The following RBMS3 variants were observed in gnomAD, a reference collection of about 807,000 sequenced individuals.
RBMS3 encodes the protein RNA binding motif single stranded interacting protein 3.
Under a neutral mutation model 66.8 loss-of-function variants are expected in RBMS3, and 27 were observed. The ratio of observed to expected loss-of-function variants is 0.40; its 90% confidence interval spans 0.30 to 0.56. RBMS3 has a LOEUF of 0.56. Among genes scored for constraint, RBMS3 ranks in the 20% least tolerant of loss-of-function variants. The pLI is 0.40. For synonymous variants in RBMS3, 188 were observed against 183.0 expected, an observed-to-expected ratio of 1.03 and a Z score of -0.22; for missense variants, 513 against 549.5, an observed-to-expected ratio of 0.93 and a Z score of 0.66.
chr3:29,667,323 T>C (rs1576474482), intron 4 of RBMS3, among the ~76,000 whole-genome samples: 2 of 152,156 alleles, frequency 1.3e-5, no homozygotes, highest in East Asian at 3.9e-4. Context: ...CATTCTCTAA[T>C]CTAATCTATC....
intron 1 of RBMS3, among the ~76,000 whole-genome samples, chr3:29,303,470 G>A (rs1280168134): frequency 6.6e-6 from 1 of 151,960 alleles, no homozygotes; most frequent in Non-Finnish European, 1.5e-5. Context: ...ACTTTAATTT[G>A]AGAGTCACAT....
chr3:29,917,508 A>G (rs1233951175), intron 10 of RBMS3, among the ~76,000 whole-genome samples: 1 of 152,086 alleles, frequency 6.6e-6, no homozygotes, highest in Non-Finnish European at 1.5e-5. Context: ...CTTCCAGTGT[A>G]TTGGGGAAGA....
intron 10 of RBMS3, among the ~76,000 whole-genome samples, chr3:29,929,230 T>C (rs1312166663): frequency 6.6e-6 from 1 of 152,182 alleles, no homozygotes; most frequent in African/African-American, 2.4e-5. Flanking sequence ...TCTCCCTCAA[T>C]AATGCAATAT....
intron 3 of RBMS3, among the ~76,000 whole-genome samples, chr3:29,552,968 C>A (rs1176923604): frequency 6.6e-6 from 1 of 152,132 alleles, no homozygotes; most frequent in Admixed American, 6.6e-5. Context: ...AGCTATATAA[C>A]CCTGGGTAGG....
chr3:29,359,510 T>C (rs1241904472), intron 1 of RBMS3, among the ~76,000 whole-genome samples: 1 of 152,176 alleles, frequency 6.6e-6, no homozygotes. Flanking sequence ...AAATTCTCTT[T>C]TTTTGTTGTG....
chr3:29,340,573 G>GA (rs1321288156), intron 1 of RBMS3, among the ~76,000 whole-genome samples: 2 of 152,114 alleles, frequency 1.3e-5, no homozygotes, highest in African/African-American at 4.8e-5. Flanking sequence ...GTTTGTACTA[G>GA]AGAGATTTGA....
At chr3:29,473,656 C>T (rs1237007320) in intron 2 of RBMS3, among the ~76,000 whole-genome samples, 2 of 152,222 alleles carry the variant, frequency 1.3e-5, no homozygotes, top group African/African-American at 4.8e-5. Context: ...CTCGGGGAGG[C>T]AGCTAAGGCA....
intron 1 of RBMS3, among the ~76,000 whole-genome samples, chr3:29,301,515 C>T (rs2033668885): frequency 6.6e-6 from 1 of 152,024 alleles, no homozygotes; most frequent in Admixed American, 6.6e-5. Flanking sequence ...TGCAGTTGGC[C>T]CCTGACATCC....
chr3:29,983,006 G>GTATT (rs1698098954), intron 12 of RBMS3, among the ~76,000 whole-genome samples: 1 of 152,268 alleles, frequency 6.6e-6, no homozygotes, highest in East Asian at 1.9e-4. Context: ...TGACAGTGGA[G>GTATT]TATTAAAGTG....
chr3:29,820,572 A>G (rs1045779725), intron 6 of RBMS3, among the ~76,000 whole-genome samples: 4 of 152,138 alleles, frequency 2.6e-5, no homozygotes, highest in African/African-American at 2.4e-5. Flanking sequence ...AAACTTAGCT[A>G]TTTATAAACT....
chr3:29,427,898 G>C (rs1222931357), intron 1 of RBMS3, among the ~76,000 whole-genome samples: 2 of 152,126 alleles, frequency 1.3e-5, no homozygotes, highest in African/African-American at 4.8e-5. Context: ...TTCCAGCCAA[G>C]GGGAATTGCA....
intron 6 of RBMS3, among the ~76,000 whole-genome samples, chr3:29,829,914 T>C (rs2149487111): frequency 6.6e-6 from 1 of 152,290 alleles, no homozygotes; most frequent in South Asian, 2.1e-4. Context: ...TGGCTAAAAC[T>C]TGCAGAATTA....
intron 11 of RBMS3, among the ~76,000 whole-genome samples, chr3:29,936,419 CTTCTTGTT>C (rs1482295333): frequency 2.0e-5 from 3 of 152,168 alleles, no homozygotes; most frequent in Middle Eastern, 3.4e-3. Flanking sequence ...CATTCAGTTA[CTTCTTGTT>C]TTTTATGGTA....
intron 1 of RBMS3, among the ~76,000 whole-genome samples, chr3:29,297,398 G>A (rs538419289): frequency 4.6e-5 from 7 of 151,906 alleles, no homozygotes; most frequent in East Asian, 1.9e-4. Context: ...TGAAAAGCTT[G>A]GAATTGACTT....
chr3:29,315,547 A>G (rs2034621686), intron 1 of RBMS3, among the ~76,000 whole-genome samples: 1 of 151,784 alleles, frequency 6.6e-6, no homozygotes. Context: ...GACATTGTTC[A>G]GTAACTTACT....
intron 4 of RBMS3, among the ~76,000 whole-genome samples, chr3:29,644,691 G>A (rs1472097001): frequency 2.0e-5 from 3 of 152,120 alleles, no homozygotes; most frequent in Non-Finnish European, 2.9e-5. Context: ...ATGAATTTTA[G>A]TCTTTCATTG....
rs532936287 is a variant in RBMS3, at chr3:29,549,020, T to C, written c.308-38094T>C. 1.1e-4 allele frequency among the ~76,000 whole-genome samples: 17 copies of C among 151,216 alleles called. No homozygotes were observed. In the East Asian group the frequency reaches 3.1e-3, roughly 28 times the overall value. Reference sequence around the variant, plus strand: ...ACAAATAATCAAGAAAACAAAGATATGTACACAAGCCCAAATTCTCCTTTT... The same window carrying C: ...ACAAATAATCAAGAAAACAAAGATACGTACACAAGCCCAAATTCTCCTTTT... On this transcript the variant is annotated intron_variant, in intron 3 of 14. Coordinates refer to ENST00000383767, the MANE Select transcript of RBMS3 (RefSeq NM_001003793.3).
intron 10 of RBMS3, among the ~76,000 whole-genome samples, chr3:29,927,388 G>C (rs938593510): frequency 2.6e-5 from 4 of 152,148 alleles, no homozygotes; most frequent in Non-Finnish European, 5.9e-5. Context: ...CTAAGCATCT[G>C]TTTTATGACA....
rs544774558 is a variant in RBMS3 at position 29,586,819 on chromosome 3, C to T, written c.308-295C>T. Among the ~76,000 whole-genome samples the T allele has an allele frequency of 8.0e-4, 122 of 152,172 alleles. 1 individual carries two copies. Among genetic ancestry groups the T allele is most frequent in the Admixed American group, 1.4e-3 (21 of 15,274 alleles). On this transcript the variant is annotated intron_variant, in intron 3 of 14. Transcript: ENST00000383767. ...TGCCATAATCCATGAAGAAAGAACA[C>T]GGTTAAACAGTCTATTATCTTACTC... is the stretch of plus-strand genomic sequence containing the variant.
Sources: allele counts gnomAD v4.1 joint callset (sites outside exome capture counted in the v4.1 genomes callset), GRCh38; gene constraint gnomAD v4.1.1; transcripts MANE v1.5; gene names NCBI Gene and HGNC (gene_info 2026-07-23, HGNC 2026-07-21).